The following C8orf34 variants were observed in gnomAD, a reference collection of about 807,000 sequenced individuals.
C8orf34 encodes the protein chromosome 8 open reading frame 34.
C8orf34 carries 65 observed loss-of-function variants against 68.3 expected under a neutral mutation model. The ratio of observed to expected loss-of-function variants is 0.95; its 90% confidence interval spans 0.78 to 1.17. The LOEUF is 1.17. Among genes scored for constraint, C8orf34 ranks in the 50% most tolerant of loss-of-function variants. The probability of loss-of-function intolerance (pLI) is 0.00; values close to 1 mark genes in which losing one functional copy is unlikely to be tolerated. For missense variants in C8orf34, 664 were observed against 655.4 expected, an observed-to-expected ratio of 1.01 and a Z score of -0.14; for synonymous variants, 244 against 241.2, an observed-to-expected ratio of 1.01 and a Z score of -0.11.
At chr8:68,375,815 C>T (rs906304139) in intron 1 of C8orf34, among the ~76,000 whole-genome samples, 1 of 152,026 alleles carries the variant, frequency 6.6e-6, no homozygotes, top group Non-Finnish European at 1.5e-5. Flanking sequence ...TTTTGTGGTA[C>T]CAAAAGTATG....
At chr8:68,789,002 G>C (rs556650385) in intron 12 of C8orf34, among the ~76,000 whole-genome samples, 1 of 152,280 alleles carries the variant, frequency 6.6e-6, no homozygotes, top group African/African-American at 2.4e-5. Context: ...GTGGGATACA[G>C]AGAAAATAAT....
At chr8:68,694,400 G>A (rs1342892282) in intron 8 of C8orf34, among the ~76,000 whole-genome samples, 1 of 152,006 alleles carries the variant, frequency 6.6e-6, no homozygotes, top group East Asian at 1.9e-4. Context: ...CATAGAAATT[G>A]CCATGACAGA....
intron 4 of C8orf34, among the ~76,000 whole-genome samples, chr8:68,485,724 A>ATAAAT (rs1554561964): frequency 8.8e-5 from 13 of 147,200 alleles, no homozygotes; most frequent in South Asian, 2.1e-4. Context: ...AAAAAAATAA[A>ATAAAT]AAATAAATAA....
rs1329646908 is a variant in C8orf34, at chr8:68,678,087, A to G, written c.1242-30907A>G. On this transcript the variant is annotated intron_variant, in intron 8 of 13. Coordinates refer to ENST00000518698, the MANE Select transcript of C8orf34 (RefSeq NM_052958.4). ...AGTGAGTAATGAGATTTAAGCTGTAATAAAAATCTCCTAGCCTGGCACCTG... is the reference window on the plus strand; with the variant it reads ...AGTGAGTAATGAGATTTAAGCTGTAGTAAAAATCTCCTAGCCTGGCACCTG... Among the ~76,000 whole-genome samples the G allele has an allele frequency of 2.0e-5, 3 of 152,324 alleles. No individual in the cohort carries two copies. The East Asian group carries it at 5.8e-4, about 29-fold the overall frequency.
At chr8:68,458,341 G>A (rs1045451635) in intron 3 of C8orf34, among the ~76,000 whole-genome samples, 2 of 152,098 alleles carry the variant, frequency 1.3e-5, no homozygotes, top group African/African-American at 4.8e-5. Flanking sequence ...CTCACCTGAC[G>A]TGCCCATGTG....
chr8:68,355,508 T>G (rs968853805), intron 1 of C8orf34, among the ~76,000 whole-genome samples: 1 of 152,156 alleles, frequency 6.6e-6, no homozygotes, highest in Non-Finnish European at 1.5e-5. Flanking sequence ...CCAATACATT[T>G]TGGCCAGCAA....
chr8:68,641,567 A>G (rs1161117797), intron 8 of C8orf34, among the ~76,000 whole-genome samples: 3 of 152,198 alleles, frequency 2.0e-5, no homozygotes, highest in Non-Finnish European at 4.4e-5. Context: ...ATATTTAAGC[A>G]TCCTGAGTGA....
Position 68,439,444 on chromosome 8 carries a change from C to A in C8orf34, c.328-55C>A. 4 of 1,551,506 alleles carry A rather than the reference C, an allele frequency of 2.6e-6. No individual in the cohort carries two copies. In the Admixed American group the frequency reaches 5.3e-5, roughly 21 times the overall value. ...ATATTACATGCTAAGTAAGTGCTTG[C>A]TATTACTGTTGCTGTTATTATTAAT... On this transcript the variant is annotated intron_variant, in intron 1 of 13. Transcript: ENST00000518698.
At chr8:68,502,247 GTAGAGA>G (rs1813810698) in intron 5 of C8orf34, among the ~76,000 whole-genome samples, 1 of 152,114 alleles carries the variant, frequency 6.6e-6, no homozygotes, top group Admixed American at 6.6e-5. Flanking sequence ...TGTATTTTTA[GTAGAGA>G]TGGGGTTTCA....
At chr8:68,638,863 C>T (rs534982229) in intron 7 of C8orf34, among the ~76,000 whole-genome samples, 2 of 152,136 alleles carry the variant, frequency 1.3e-5, no homozygotes, top group Non-Finnish European at 1.5e-5. Flanking sequence ...TATGATCCAG[C>T]AACAAATAAT....
rs558487109 is a variant in C8orf34 at position 68,744,397 on chromosome 8, G to A, written c.1404+22960G>A. Among the ~76,000 whole-genome samples, 6 of 152,192 alleles carry A rather than the reference G, an allele frequency of 3.9e-5. No homozygotes were observed. The East Asian group carries it at 9.7e-4, about 25-fold the overall frequency. On this transcript the variant is annotated intron_variant, in intron 10 of 13. Transcript: ENST00000518698. ...AAGCTGGACGGAGAATGACTTTGACGAGCTGAGAGAAGAAGGCTTCAGATG... is the reference window on the plus strand; with the variant it reads ...AAGCTGGACGGAGAATGACTTTGACAAGCTGAGAGAAGAAGGCTTCAGATG...
At chr8:68,513,784 C>A (rs368450624) in intron 5 of C8orf34, among the ~76,000 whole-genome samples, 1 of 152,222 alleles carries the variant, frequency 6.6e-6, no homozygotes, top group African/African-American at 2.4e-5. Context: ...TGTGTGGGAC[C>A]TTTGGGCCAT....
chr8:68,714,628 C>A (rs973849142), intron 9 of C8orf34, among the ~76,000 whole-genome samples: 1 of 152,062 alleles, frequency 6.6e-6, no homozygotes, highest in Non-Finnish European at 1.5e-5. Context: ...TTATAGACAA[C>A]ACAAACAAAT....
intron 10 of C8orf34, among the ~76,000 whole-genome samples, chr8:68,749,431 TAGAA>T (rs1244470319): frequency 6.6e-6 from 1 of 151,642 alleles, no homozygotes; most frequent in Non-Finnish European, 1.5e-5. Context: ...AAAGGACAAA[TAGAA>T]AGCACAAAAT....
At chr8:68,438,236 G>T (rs184854696) in intron 1 of C8orf34, 1 of 152,356 alleles carries the variant, frequency 6.6e-6, no homozygotes, top group East Asian at 1.9e-4. Context: ...AAGTGCTACA[G>T]TAGGGGTGGG....
chr8:68,690,767 G>A (rs56405329), intron 8 of C8orf34, among the ~76,000 whole-genome samples: 1 of 151,978 alleles, frequency 6.6e-6, no homozygotes, highest in Admixed American at 6.6e-5. Context: ...ATTAGGAAAT[G>A]AAGACTCAAA....
chr8:68,631,007 G>A (rs993938683), intron 7 of C8orf34, among the ~76,000 whole-genome samples: 2 of 140,882 alleles, frequency 1.4e-5, no homozygotes, highest in Non-Finnish European at 3.0e-5. Flanking sequence ...GCTCATGCCT[G>A]TAATCCCAGC....
At chr8:68,656,510 T>C (rs1897906) in intron 8 of C8orf34, among the ~76,000 whole-genome samples, 76,522 of 152,028 alleles carry the variant, frequency 0.5, 20,043 homozygotes, top group African/African-American at 0.65. Context: ...TAGCACACTG[T>C]ATCCATAACT....
intron 1 of C8orf34, among the ~76,000 whole-genome samples, chr8:68,427,509 G>A (rs539374526): frequency 9.2e-5 from 14 of 152,308 alleles, no homozygotes; most frequent in African/African-American, 3.4e-4. Flanking sequence ...TAGAGATGGA[G>A]AATAGAGTAG....
Sources: allele counts gnomAD v4.1 joint callset (sites outside exome capture counted in the v4.1 genomes callset), GRCh38; gene constraint gnomAD v4.1.1; transcripts MANE v1.5; gene names NCBI Gene and HGNC (gene_info 2026-07-23, HGNC 2026-07-21).